The following PLXNA4 variants were observed in gnomAD, a reference collection of about 807,000 sequenced individuals.
PLXNA4 encodes plexin-A4.
In PLXNA4, 44 loss-of-function variants were observed where a neutral mutation model predicts 191.8. The ratio of observed to expected loss-of-function variants is 0.23; its 90% CI spans 0.18 to 0.29. The LOEUF is 0.29. PLXNA4 is among the 10% of genes least tolerant of loss of function. The pLI is 1.00. For missense variants in PLXNA4, 1,800 were observed against 2,488.8 expected (o/e 0.72, Z 5.89); for synonymous variants, 1,082 against 1,009.5 (o/e 1.07, Z -1.36).
In PLXNA4 at chr7:132,179,780, T is replaced by C; in HGVS notation, c.3781A>G (p.Lys1261Glu). ...IFIVAVLIAYKRKSRESDLTL... is the reference protein window; with the variant it reads ...IFIVAVLIAYERKSRESDLTL... The stretch of plus-strand genomic sequence containing the variant: ...AGGTCACTTTCGCGGGACTTGCGTT[T>C]ATAGGCAATGAGCACGGCCACGATG... Residue 1261 changes from lysine to glutamate, a missense_variant, in exon 20 of 32, where the codon AAA (lysine) becomes GAA (glutamate). Physicochemically the swap from Lys to Glu is moderately conservative, Grantham distance 56 (BLOSUM62 1). Transcript: ENST00000321063. The C allele has an allele frequency of 6.2e-7, 1 of 1,614,010 alleles. No individual in the cohort carries two copies. The highest frequency in any genetic ancestry group is 8.5e-7 in the Non-Finnish European group (1 of 1,180,030).
intron 4 of PLXNA4, among the ~76,000 whole-genome samples, chr7:132,249,524 C>T (rs558370623): frequency 1.3e-5 from 2 of 152,332 alleles, no homozygotes; most frequent in South Asian, 2.1e-4. Flanking sequence ...CATCCTCAGG[C>T]TTCCCAGTGT....
At chr7:132,548,210 C>T (rs541118467) in intron 1 of PLXNA4, among the ~76,000 whole-genome samples, 6 of 152,252 alleles carry the variant, frequency 3.9e-5, no homozygotes, top group Middle Eastern at 3.4e-3. Flanking sequence ...TTGAAAAGCA[C>T]TTAGTTGTCA....
At chr7:132,500,375 A>G (rs143514733) in intron 2 of PLXNA4, among the ~76,000 whole-genome samples, 2,811 of 151,014 alleles carry the variant, frequency 0.019, 90 homozygotes, top group African/African-American at 0.065. Context: ...CCCGGGAAGC[A>G]TGGGTTGCAG....
At chr7:132,566,825 C>T (rs1190176826) in intron 1 of PLXNA4, among the ~76,000 whole-genome samples, 2 of 152,094 alleles carry the variant, frequency 1.3e-5, no homozygotes, top group Admixed American at 6.5e-5. Flanking sequence ...TGTGAGAATT[C>T]GCAGTCATTT....
At chr7:132,385,402 G>T in intron 3 of PLXNA4, 1 of 1,399,932 alleles carries the variant, frequency 7.1e-7, no homozygotes, top group Non-Finnish European at 9.4e-7. Flanking sequence ...ATGTATTACA[G>T]TTCTGAAATA....
At chr7:132,250,114 T>C (rs753273281) in intron 4 of PLXNA4, among the ~76,000 whole-genome samples, 1 of 152,230 alleles carries the variant, frequency 6.6e-6, no homozygotes, top group African/African-American at 2.4e-5. Context: ...TTGGACAACT[T>C]ATTTAACTTC....
At chr7:132,230,463 A>C (rs1338849880) in intron 5 of PLXNA4, among the ~76,000 whole-genome samples, 1 of 152,210 alleles carries the variant, frequency 6.6e-6, no homozygotes, top group African/African-American at 2.4e-5. Flanking sequence ...TGTTGGACGA[A>C]GATAAATTCT....
At chr7:132,636,973 T>C (rs887681816) in intron 2 of PLXNA4, among the ~76,000 whole-genome samples, 6 of 152,112 alleles carry the variant, frequency 3.9e-5, no homozygotes, top group Admixed American at 2.6e-4. Flanking sequence ...ACGTCCTCCC[T>C]CCCAGGAAGC....
chr7:132,189,997 T>C (rs1270747188), intron 14 of PLXNA4, among the ~76,000 whole-genome samples: 1 of 152,176 alleles, frequency 6.6e-6, no homozygotes, highest in African/African-American at 2.4e-5. Context: ...TGACAAATCT[T>C]TGAGCTTCAG....
At chr7:132,341,734 C>T (rs919084602) in intron 3 of PLXNA4, among the ~76,000 whole-genome samples, 2 of 152,162 alleles carry the variant, frequency 1.3e-5, no homozygotes, top group South Asian at 4.1e-4. Context: ...CTTTACAGCA[C>T]AGTTCTGAGT....
At chr7:132,596,715 G>A (rs1400037748) in intron 2 of PLXNA4, among the ~76,000 whole-genome samples, 2 of 152,072 alleles carry the variant, frequency 1.3e-5, no homozygotes, top group Non-Finnish European at 2.9e-5. Context: ...CATTTTAGGG[G>A]TAGGAAGAAG....
chr7:132,548,664 CCT>C (rs1800415543), intron 1 of PLXNA4, among the ~76,000 whole-genome samples: 2 of 152,048 alleles, frequency 1.3e-5, no homozygotes, highest in African/African-American at 4.8e-5. Context: ...TAAAATATAC[CCT>C]GTCAGAAGTG....
At chr7:132,424,078 C>T (rs1240007028) in intron 3 of PLXNA4, among the ~76,000 whole-genome samples, 3 of 152,152 alleles carry the variant, frequency 2.0e-5, no homozygotes, top group Non-Finnish European at 4.4e-5. Flanking sequence ...CCCACTTTAG[C>T]TTTCCCACAG....
At chr7:132,434,522 T>C (rs985680697) in intron 3 of PLXNA4, among the ~76,000 whole-genome samples, 4 of 152,216 alleles carry the variant, frequency 2.6e-5, no homozygotes, top group African/African-American at 9.6e-5. Context: ...TCTTAAGTCA[T>C]GCTGTTTCAA....
intron 14 of PLXNA4, among the ~76,000 whole-genome samples, chr7:132,193,508 G>T (rs1262009970): frequency 4.6e-5 from 7 of 152,342 alleles, no homozygotes; most frequent in Non-Finnish European, 4.4e-5. Flanking sequence ...CCACAAGTGT[G>T]CAGGGACAGG....
At chr7:132,610,557 G>A (rs929055511) in intron 2 of PLXNA4, among the ~76,000 whole-genome samples, 1 of 152,178 alleles carries the variant, frequency 6.6e-6, no homozygotes, top group Non-Finnish European at 1.5e-5. Flanking sequence ...GGTGCTTAAA[G>A]CTCCCTCTCT....
At chr7:132,445,682 C>G (rs1795880801) in intron 3 of PLXNA4, among the ~76,000 whole-genome samples, 1 of 152,092 alleles carries the variant, frequency 6.6e-6, no homozygotes, top group Non-Finnish European at 1.5e-5. Context: ...GTTGAAACAC[C>G]TCACTTCCCT....
rs879091064 is a variant in PLXNA4 at position 132,165,076 on chromosome 7, G to A, written c.4353+58C>T. 1.3e-5 allele frequency: 21 copies of A among 1,587,264 alleles called. No individual in the cohort carries two copies. The South Asian group carries it at 2.4e-4, about 18-fold the overall frequency. ...ACTCGGGGGTGTGGAGCGATCCCCA[G>A]TCAGGCTGCAGAGAATGAACGAGGC... On this transcript the variant is annotated intron_variant, in intron 23 of 31. Transcript: ENST00000321063.
At chr7:132,561,031 G>A (rs779111171) in intron 1 of PLXNA4, among the ~76,000 whole-genome samples, 2 of 151,962 alleles carry the variant, frequency 1.3e-5, no homozygotes, top group Non-Finnish European at 2.9e-5. Context: ...CTTGGAGATC[G>A]CCAAGGCCTG....
Sources: allele counts gnomAD v4.1 joint callset (sites outside exome capture counted in the v4.1 genomes callset), GRCh38; gene constraint gnomAD v4.1.1; transcripts MANE v1.5; gene names NCBI Gene and HGNC (gene_info 2026-07-23, HGNC 2026-07-21).